The following PTPRD variants were observed in gnomAD, a reference collection of about 807,000 sequenced individuals.
PTPRD encodes the protein protein tyrosine phosphatase receptor type D, also known as receptor-type tyrosine-protein phosphatase delta.
Under a neutral mutation model 214.5 loss-of-function variants are expected in PTPRD, and 34 were observed. That is an observed-to-expected ratio of 0.16 (90% confidence interval 0.12 to 0.21). PTPRD has a LOEUF of 0.21. Among genes scored for constraint, PTPRD ranks in the 10% least tolerant of loss-of-function variants. PTPRD has a pLI of 1.00. For missense variants in PTPRD, 2,545 were observed against 2,398.7 expected, an observed-to-expected ratio of 1.06 and a Z score of -1.27; for synonymous variants, 1,128 against 845.7, an observed-to-expected ratio of 1.33 and a Z score of -5.79.
intron 4 of PTPRD, among the ~76,000 whole-genome samples, chr9:10,024,992 G>A (rs886414812): frequency 2.0e-5 from 3 of 151,692 alleles, no homozygotes; most frequent in African/African-American, 7.3e-5. Context: ...AGTATTCCAT[G>A]GTGTATATGT....
At chr9:10,560,669 T>G (rs990012285) in intron 2 of PTPRD, among the ~76,000 whole-genome samples, 1 of 152,082 alleles carries the variant, frequency 6.6e-6, no homozygotes, top group African/African-American at 2.4e-5. Flanking sequence ...CTCAAAGAAA[T>G]ATCATACATC....
intron 10 of PTPRD, among the ~76,000 whole-genome samples, chr9:9,050,928 G>C (rs528306278): frequency 1.6e-4 from 24 of 152,108 alleles, no homozygotes; most frequent in Non-Finnish European, 3.4e-4. Context: ...ACAGTGTCAG[G>C]CATCCACTGG....
At chr9:9,762,407 A>G (rs755188946) in intron 6 of PTPRD, among the ~76,000 whole-genome samples, 1 of 152,202 alleles carries the variant, frequency 6.6e-6, no homozygotes, top group Non-Finnish European at 1.5e-5. Flanking sequence ...CAATATAAAC[A>G]GACTGAAAAT....
At chr9:8,793,545 G>C (rs1240074489) in intron 11 of PTPRD, among the ~76,000 whole-genome samples, 1 of 152,150 alleles carries the variant, frequency 6.6e-6, no homozygotes, top group Non-Finnish European at 1.5e-5. Flanking sequence ...TGTCAGGTTT[G>C]GGATAATTTG....
intron 9 of PTPRD, among the ~76,000 whole-genome samples, chr9:9,391,500 G>C (rs2065830144): frequency 6.6e-6 from 1 of 152,050 alleles, no homozygotes; most frequent in Non-Finnish European, 1.5e-5. Context: ...AACTACTCTA[G>C]CAAGTGATGA....
At chr9:10,554,034 T>A (rs1344285830) in intron 2 of PTPRD, among the ~76,000 whole-genome samples, 1 of 152,192 alleles carries the variant, frequency 6.6e-6, no homozygotes, top group East Asian at 1.9e-4. Flanking sequence ...ATGTTTGACC[T>A]GATTTCCATA....
intron 12 of PTPRD, among the ~76,000 whole-genome samples, chr9:8,657,754 A>G (rs1473147995): frequency 6.6e-6 from 1 of 152,106 alleles, no homozygotes; most frequent in African/African-American, 2.4e-5. Flanking sequence ...ACATTTTACT[A>G]AGTCTAAGTT....
intron 8 of PTPRD, among the ~76,000 whole-genome samples, chr9:9,529,479 A>G (rs2074984829): frequency 1.3e-5 from 2 of 152,182 alleles, no homozygotes; most frequent in African/African-American, 4.8e-5. Flanking sequence ...AAAGTCATTA[A>G]TTTCACTAAT....
intron 14 of PTPRD, among the ~76,000 whole-genome samples, chr9:8,607,968 G>A (rs749080710): frequency 3.9e-5 from 6 of 152,266 alleles, no homozygotes; most frequent in Non-Finnish European, 7.3e-5. Flanking sequence ...AAGTTAACAT[G>A]GAGGCTGCCT....
chr9:9,750,200 T>G (rs541717186), intron 6 of PTPRD, among the ~76,000 whole-genome samples: 1 of 152,304 alleles, frequency 6.6e-6, no homozygotes, highest in South Asian at 2.1e-4. Context: ...GATGATTAGA[T>G]GTTTTAAATT....
intron 11 of PTPRD, among the ~76,000 whole-genome samples, chr9:8,882,971 G>A (rs142987466): frequency 2.0e-5 from 3 of 151,746 alleles, no homozygotes; most frequent in African/African-American, 7.2e-5. Flanking sequence ...TGTGAAAATT[G>A]GTCAAAATCA....
chr9:9,532,452 C>T (rs72706525), intron 8 of PTPRD, among the ~76,000 whole-genome samples: 7,394 of 152,234 alleles, frequency 0.049, 211 homozygotes, highest in Middle Eastern at 0.11. Context: ...GGACTTTCTG[C>T]AGGCTGGCTT....
chr9:8,488,153 T>G (rs1261609656), intron 27 of PTPRD, among the ~76,000 whole-genome samples: 1 of 152,262 alleles, frequency 6.6e-6, no homozygotes, highest in African/African-American at 2.4e-5. Context: ...CTAAAAAGAT[T>G]ATGAGACAAT....
At chr9:9,569,514 T>C (rs982344260) in intron 8 of PTPRD, among the ~76,000 whole-genome samples, 3 of 151,816 alleles carry the variant, frequency 2.0e-5, no homozygotes, top group South Asian at 2.1e-4. Context: ...ATATATGCCA[T>C]TGAAAGGCTT....
intron 5 of PTPRD, among the ~76,000 whole-genome samples, chr9:9,927,451 GC>G (rs780659733): frequency 2.6e-5 from 4 of 151,964 alleles, no homozygotes; most frequent in Non-Finnish European, 4.4e-5. Context: ...CCACACATCT[GC>G]CCTATTGGAT....
intron 3 of PTPRD, among the ~76,000 whole-genome samples, chr9:10,172,839 T>A (rs993446543): frequency 6.6e-6 from 1 of 152,154 alleles, no homozygotes; most frequent in Non-Finnish European, 1.5e-5. Context: ...TAAACTGAAA[T>A]GTATATGGAA....
intron 4 of PTPRD, among the ~76,000 whole-genome samples, chr9:9,944,181 C>A (rs1034385080): frequency 6.6e-6 from 1 of 152,042 alleles, no homozygotes; most frequent in African/African-American, 2.4e-5. Context: ...TCCTGTTTGC[C>A]CATTCTTGCT....
chr9:9,154,670 A>G (rs2099879702), intron 10 of PTPRD, among the ~76,000 whole-genome samples: 1 of 152,208 alleles, frequency 6.6e-6, no homozygotes, highest in African/African-American at 2.4e-5. Flanking sequence ...TCACTGATAT[A>G]TCGTTGTTAC....
chr9:9,071,055 A>C (rs77301266), intron 10 of PTPRD, among the ~76,000 whole-genome samples: 3,041 of 152,234 alleles, frequency 0.02, 41 homozygotes, highest in Non-Finnish European at 0.031. Context: ...TTGGGACCAC[A>C]GGCATGCACC....
Sources: allele counts gnomAD v4.1 joint callset (sites outside exome capture counted in the v4.1 genomes callset), GRCh38; gene constraint gnomAD v4.1.1; transcripts MANE v1.5; gene names NCBI Gene and HGNC (gene_info 2026-07-23, HGNC 2026-07-21).